Variants in MAP3K20 observed in about 807,000 individuals in gnomAD.
The protein encoded by MAP3K20 is HCCS-4.
A neutral mutation model predicts 85.7 loss-of-function variants in MAP3K20; 40 were observed. That is an observed-to-expected ratio of 0.47 (90% CI 0.36 to 0.61). The LOEUF is 0.61. MAP3K20 is among the 20% of genes least tolerant of loss of function. The pLI is 0.00. For synonymous variants in MAP3K20, 325 were observed against 327.7 expected (o/e 0.99, Z 0.09); for missense variants, 817 against 961.7 (o/e 0.85, Z 1.99).
intron 2 of MAP3K20, among the ~76,000 whole-genome samples, chr2:173,106,745 A>G (rs1687792832): frequency 6.6e-6 from 1 of 152,124 alleles, no homozygotes; most frequent in South Asian, 2.1e-4. Context: ...ACTTCAGGGA[A>G]GGGTGTGACA....
At chr2:173,257,966 C>T (rs937940475) in intron 16 of MAP3K20, among the ~76,000 whole-genome samples, 4 of 152,122 alleles carry the variant, frequency 2.6e-5, no homozygotes, top group African/African-American at 7.2e-5. Flanking sequence ...AACATACTAT[C>T]GTTTAAAAAT....
chr2:173,103,053 CAAAAAGAAAAAAAA>C (rs1687678831), intron 2 of MAP3K20, among the ~76,000 whole-genome samples: 1 of 149,460 alleles, frequency 6.7e-6, no homozygotes. Context: ...AACTCCATCT[CAAAAAGAAAAAAAA>C]GAAAAGAAAA....
chr2:173,266,064 T>C lies in MAP3K20; in HGVS notation c.1717T>C (p.Trp573Arg). 1 of 1,571,780 alleles carries C rather than the reference T, an allele frequency of 6.4e-7. No individual in the cohort carries two copies. Among genetic ancestry groups the C allele is most frequent in the Non-Finnish European group, 8.7e-7 (1 of 1,155,868 alleles). ...TTCTCCCGCAGGTGCTGATTGCCAG[T>C]GGTTAGATACTCTGAGGATGCGGCA... ...SRSDSSADCQWLDTLRMRQIA... is the reference protein window; with the variant it reads ...SRSDSSADCQRLDTLRMRQIA... The change falls in exon 20 of 20, where the codon TGG (tryptophan) becomes CGG (arginine). Residue 573 changes from tryptophan to arginine, a missense_variant. Physicochemically the swap from Trp to Arg is moderately radical, Grantham distance 101. Transcript: ENST00000375213.
intron 7 of MAP3K20, among the ~76,000 whole-genome samples, chr2:173,191,588 T>G (rs1344278136): frequency 6.6e-6 from 1 of 152,228 alleles, no homozygotes; most frequent in Non-Finnish European, 1.5e-5. Flanking sequence ...CCAATAGATC[T>G]GCCAAGCGAG....
chr2:173,251,531 A>T (rs1004929076), intron 16 of MAP3K20, among the ~76,000 whole-genome samples: 5 of 152,140 alleles, frequency 3.3e-5, no homozygotes, highest in African/African-American at 1.2e-4. Context: ...ACATAGATAA[A>T]TCTCAAAAAC....
intron 2 of MAP3K20, among the ~76,000 whole-genome samples, chr2:173,116,460 A>G (rs1477933248): frequency 6.6e-6 from 1 of 152,228 alleles, no homozygotes; most frequent in Non-Finnish European, 1.5e-5. Context: ...CTAAATCAAA[A>G]TGAGTATGTT....
intron 2 of MAP3K20, among the ~76,000 whole-genome samples, chr2:173,097,769 A>C (rs1421932536): frequency 1.3e-5 from 2 of 152,238 alleles, no homozygotes; most frequent in African/African-American, 4.8e-5. Flanking sequence ...TAATAACAGG[A>C]ACTATCAATA....
intron 2 of MAP3K20, among the ~76,000 whole-genome samples, chr2:173,169,552 TA>T (rs150873750): frequency 3.0e-3 from 435 of 143,054 alleles, no homozygotes; most frequent in Admixed American, 4.9e-3. Context: ...CCCCATCTCT[TA>T]AAAAAAAAAA....
chr2:173,166,910 G>GTTTTTTTTTTT (rs71018540), intron 2 of MAP3K20: 32 of 113,844 alleles, frequency 2.8e-4, no homozygotes, highest in South Asian at 5.8e-4. Flanking sequence ...CAGTTTTTCT[G>GTTTTTTTTTTT]TTTTTTTTTT....
chr2:173,231,675 C>A (rs1218765718), intron 12 of MAP3K20, among the ~76,000 whole-genome samples: 1 of 152,182 alleles, frequency 6.6e-6, no homozygotes, highest in Non-Finnish European at 1.5e-5. Flanking sequence ...AACCCAGACC[C>A]TGTGATATAC....
intron 2 of MAP3K20, among the ~76,000 whole-genome samples, chr2:173,146,117 A>T (rs903895906): frequency 6.6e-6 from 1 of 152,214 alleles, no homozygotes; most frequent in African/African-American, 2.4e-5. Flanking sequence ...GATTAAGGTC[A>T]TACATAGGTG....
chr2:173,223,390 T>C, intron 11 of MAP3K20: 1 of 921,012 alleles, frequency 1.1e-6, no homozygotes, highest in South Asian at 5.0e-5. Flanking sequence ...AAAGAAATAA[T>C]ATATGTAAAG....
At chr2:173,090,759 G>A in intron 1 of MAP3K20, 2 of 1,107,974 alleles carry the variant, frequency 1.8e-6, no homozygotes, top group Non-Finnish European at 2.2e-6. Flanking sequence ...GGATATCTGA[G>A]CCATTTCTCT....
chr2:173,248,250 T>C (rs191683166), intron 16 of MAP3K20, among the ~76,000 whole-genome samples: 1 of 152,250 alleles, frequency 6.6e-6, no homozygotes, highest in Admixed American at 6.5e-5. Context: ...TTTTACAAGT[T>C]CTCACGGTCA....
rs144775389 is a variant in MAP3K20 at position 173,240,197 on chromosome 2, C to T, written c.1359+701C>T. Among the ~76,000 whole-genome samples the T allele has an allele frequency of 1.2e-3, 181 of 152,328 alleles. 1 individual carries two copies. Among genetic ancestry groups the T allele is most frequent in the Middle Eastern group, 6.8e-3 (2 of 294 alleles). On this transcript the variant is annotated intron_variant, in intron 16 of 19. Coordinates refer to ENST00000375213, the MANE Select transcript of MAP3K20 (RefSeq NM_016653.3). ...GGTTAAATAACTTGCCCAAGGGTTA[C>T]ATGGCTAGCAAATAGCAGAATAAAG...
At chr2:173,121,412 G>A (rs1299118473) in intron 2 of MAP3K20, among the ~76,000 whole-genome samples, 2 of 152,126 alleles carry the variant, frequency 1.3e-5, no homozygotes, top group Non-Finnish European at 1.5e-5. Context: ...TTTTGAGACG[G>A]ACTCTTGCTC....
At chr2:173,153,979 G>A (rs1264672126) in intron 2 of MAP3K20, among the ~76,000 whole-genome samples, 2 of 151,942 alleles carry the variant, frequency 1.3e-5, no homozygotes, top group Non-Finnish European at 2.9e-5. Context: ...ACAGAGAGTC[G>A]ACTGTTTGTT....
intron 2 of MAP3K20, among the ~76,000 whole-genome samples, chr2:173,100,070 A>G (rs1260967198): frequency 2.0e-5 from 3 of 152,264 alleles, no homozygotes; most frequent in Non-Finnish European, 4.4e-5. Flanking sequence ...AGAAGGGATC[A>G]GATGCCACAT....
At chr2:173,118,523 T>C (rs1229524963) in intron 2 of MAP3K20, among the ~76,000 whole-genome samples, 1 of 152,108 alleles carries the variant, frequency 6.6e-6, no homozygotes, top group African/African-American at 2.4e-5. Flanking sequence ...ACATGAGCAC[T>C]TGGAGCTACA....
Sources: allele counts gnomAD v4.1 joint callset (sites outside exome capture counted in the v4.1 genomes callset), GRCh38; gene constraint gnomAD v4.1.1; transcripts MANE v1.5; gene names NCBI Gene and HGNC (gene_info 2026-07-23, HGNC 2026-07-21).